ANK2: variants seen among roughly 807,000 people sequenced by gnomAD.
The protein encoded by ANK2 is ankyrin 2.
Under a neutral mutation model 360.5 loss-of-function variants are expected in ANK2, and 83 were observed. The observed-to-expected ratio is 0.23, with a 90% CI of 0.19 to 0.28. ANK2 has a LOEUF of 0.28. Among genes scored for constraint, ANK2 ranks in the 10% least tolerant of loss-of-function variants. The pLI, the probability that ANK2 is intolerant of heterozygous loss-of-function variation, is 1.00. For missense variants in ANK2, 4,201 were observed against 4,795.7 expected, an observed-to-expected ratio of 0.88 and a Z score of 3.66; for synonymous variants, 1,740 against 1,759.5, an observed-to-expected ratio of 0.99 and a Z score of 0.28.
intron 2 of ANK2, among the ~76,000 whole-genome samples, chr4:112,926,078 ATTCTG>A (rs949049489): frequency 3.3e-5 from 5 of 152,138 alleles, no homozygotes; most frequent in Non-Finnish European, 5.9e-5. Context: ...AGGGACTTGG[ATTCTG>A]TGACTGGAGA....
the ANK2 span, among the ~76,000 whole-genome samples, chr4:112,776,027 T>C: frequency 6.6e-6 from 1 of 152,156 alleles, no homozygotes; most frequent in Non-Finnish European, 1.5e-5. Context: ...GTCTAACTAC[T>C]ACGTTCTGAG....
At chr4:112,774,496 C>T in the ANK2 span, among the ~76,000 whole-genome samples, 2 of 152,180 alleles carry the variant, frequency 1.3e-5, no homozygotes, top group Admixed American at 6.5e-5. Context: ...ACGGCACCTC[C>T]AGTCTGGGCG....
intron 41 of ANK2, 77 bp downstream of exon 41, chr4:113,365,259 A>C (rs1589178455): frequency 6.9e-7 from 1 of 1,459,352 alleles, no homozygotes. Context: ...TAATTGAGGC[A>C]CTGGACCTAC....
At chr4:113,298,837 T>C (rs2073372033) in intron 22 of ANK2, among the ~76,000 whole-genome samples, 1 of 152,186 alleles carries the variant, frequency 6.6e-6, no homozygotes, top group Admixed American at 6.5e-5. Context: ...AAAACCATGT[T>C]TATGTTTAAA....
At chr4:113,233,692 C>T (rs2099348591) in intron 5 of ANK2, among the ~76,000 whole-genome samples, 1 of 151,982 alleles carries the variant, frequency 6.6e-6, no homozygotes, top group African/African-American at 2.4e-5. Context: ...GAGCCAATTG[C>T]AACAAGTTTC....
intron 2 of ANK2, among the ~76,000 whole-genome samples, chr4:112,957,510 G>GT (rs1561276380): frequency 6.6e-6 from 1 of 152,102 alleles, no homozygotes; most frequent in Non-Finnish European, 1.5e-5. Flanking sequence ...ATCATGGCCC[G>GT]TTCTCAATGA....
intron 2 of ANK2, among the ~76,000 whole-genome samples, chr4:112,951,081 C>CAAA (rs1184265938): frequency 0.073 from 4,088 of 55,730 alleles, 266 homozygotes; most frequent in African/African-American, 0.1. Flanking sequence ...GCCTCCGTCT[C>CAAA]AAAAAAAAAA....
At chr4:113,256,800 C>T (rs1258957288) in intron 11 of ANK2, among the ~76,000 whole-genome samples, 3 of 152,086 alleles carry the variant, frequency 2.0e-5, no homozygotes, top group African/African-American at 4.8e-5. Context: ...AAGAATTTTT[C>T]CATTGGAATC....
At chr4:113,105,339 A>G (rs2093480470) in intron 1 of ANK2, among the ~76,000 whole-genome samples, 1 of 152,116 alleles carries the variant, frequency 6.6e-6, no homozygotes, top group Non-Finnish European at 1.5e-5. Flanking sequence ...TCAAGTGGTG[A>G]GGATAGGAAA....
At chr4:112,828,612 C>A (rs2058981574) in intron 1 of ANK2, among the ~76,000 whole-genome samples, 1 of 152,180 alleles carries the variant, frequency 6.6e-6, no homozygotes, top group South Asian at 2.1e-4. Context: ...TAGACACAGG[C>A]TCTGGCAAAG....
At chr4:113,343,803 A>G (rs924907787) in intron 34 of ANK2, among the ~76,000 whole-genome samples, 5 of 152,074 alleles carry the variant, frequency 3.3e-5, no homozygotes, top group African/African-American at 1.2e-4. Flanking sequence ...ACTCTGCATT[A>G]TTTTCCAAGC....
chr4:112,999,236 TA>T (rs971879479), intron 2 of ANK2, among the ~76,000 whole-genome samples: 1 of 151,794 alleles, frequency 6.6e-6, no homozygotes, highest in Non-Finnish European at 1.5e-5. Flanking sequence ...AAAACTAAAA[TA>T]ATGGTAAGGA....
chr4:113,272,457 T>C (rs918144660), intron 14 of ANK2, among the ~76,000 whole-genome samples: 8 of 152,262 alleles, frequency 5.3e-5, no homozygotes, highest in Admixed American at 3.3e-4. Flanking sequence ...ATTCAACTTT[T>C]GCAATTCAGC....
intron 1 of ANK2, among the ~76,000 whole-genome samples, chr4:112,903,766 T>TA (rs1279133913): frequency 2.6e-5 from 4 of 152,238 alleles, no homozygotes; most frequent in East Asian, 3.9e-4. Flanking sequence ...CAAAATATAA[T>TA]AAAAAAAGAA....
At chr4:112,721,800 A>G in the ANK2 span, among the ~76,000 whole-genome samples, 6 of 152,320 alleles carry the variant, frequency 3.9e-5, no homozygotes, top group African/African-American at 9.6e-5. Context: ...CATCATAAGC[A>G]TTGGTAGAAA....
chr4:113,283,469 T>A (rs540144396), intron 18 of ANK2, among the ~76,000 whole-genome samples: 3 of 152,290 alleles, frequency 2.0e-5, no homozygotes, highest in Non-Finnish European at 4.4e-5. Context: ...TTTTTTTTAA[T>A]AAAGCACATC....
chr4:113,027,543 G>A (rs900550515), intron 2 of ANK2, among the ~76,000 whole-genome samples: 5 of 152,052 alleles, frequency 3.3e-5, no homozygotes, highest in African/African-American at 7.2e-5. Context: ...TTATTGGAGC[G>A]GAACCATATG....
In ANK2 at chr4:113,354,825, T is replaced by C. The variant is rs747873737; in HGVS notation, c.6207T>C (p.Arg2069=). 6.2e-7 allele frequency: 1 copy of C among 1,614,058 alleles called. No individual in the cohort carries two copies. Among genetic ancestry groups the C allele is most frequent in the Non-Finnish European group, 8.5e-7 (1 of 1,179,992 alleles). Residue 2069 remains arginine, a synonymous_variant, in exon 38 of 46, where the codon CGT becomes CGC. Transcript: ENST00000357077. ...TGTAESKRGV[R]VSSIGVKKED... ...CAGCAGAATCCAAAAGAGGAGTTCG[T>C]GTTTCCTCCATAGGAGTTAAGAAAG... is the stretch of plus-strand genomic sequence containing the variant.
At chr4:112,860,225 A>C (rs76530436) in intron 1 of ANK2, among the ~76,000 whole-genome samples, 5 of 152,108 alleles carry the variant, frequency 3.3e-5, no homozygotes, top group African/African-American at 1.2e-4. Flanking sequence ...TTTAAAAAAA[A>C]TTCTTTTTTT....
Sources: gnomAD v4.1 joint callset for allele counts (sites outside exome capture counted in the v4.1 genomes callset) on GRCh38, gnomAD v4.1.1 for gene constraint, MANE v1.5 for transcripts, NCBI Gene and HGNC (gene_info 2026-07-23, HGNC 2026-07-21) for gene names.